MROH9: variants seen among roughly 807,000 people sequenced by gnomAD.
MROH9 encodes the protein maestro heat-like repeat-containing protein family member 9.
Under a neutral mutation model 98.2 loss-of-function variants are expected in MROH9, and 92 were observed. That is an observed-to-expected ratio of 0.94 (90% CI 0.79 to 1.11). The LOEUF (loss-of-function observed/expected upper bound fraction) is 1.11. Among genes scored for constraint, MROH9 ranks in the 50% most tolerant of loss-of-function variants. The pLI, the probability that MROH9 is intolerant of heterozygous loss-of-function variation, is 0.00. For missense variants in MROH9, 1,057 were observed against 1,014.8 expected, an observed-to-expected ratio of 1.04 and a Z score of -0.57; for synonymous variants, 397 against 368.9, an observed-to-expected ratio of 1.08 and a Z score of -0.87.
At chr1:170,945,967 C>A (rs1649316123) in intron 2 of MROH9, among the ~76,000 whole-genome samples, 1 of 151,804 alleles carries the variant, frequency 6.6e-6, no homozygotes, top group South Asian at 2.1e-4. Flanking sequence ...ATATCAAACC[C>A]TATAGTATAC....
intron 20 of MROH9, among the ~76,000 whole-genome samples, chr1:171,055,891 C>T (rs74123669): frequency 0.025 from 3,838 of 152,224 alleles, 159 homozygotes; most frequent in African/African-American, 0.086. Context: ...TGTGGTGGCC[C>T]ATCTGGGAGC....
intron 7 of MROH9, among the ~76,000 whole-genome samples, chr1:170,969,713 G>T (rs1650366901): frequency 6.6e-6 from 1 of 152,094 alleles, no homozygotes; most frequent in African/African-American, 2.4e-5. Context: ...ACAAAGAAAG[G>T]GCACAGTTAA....
chr1:171,005,827 C>T (rs971675452), intron 15 of MROH9, among the ~76,000 whole-genome samples: 1 of 152,168 alleles, frequency 6.6e-6, no homozygotes, highest in Admixed American at 6.5e-5. Flanking sequence ...CACTTTTTCT[C>T]CTTACCTGCT....
chr1:171,035,303 A>C (rs928463266), intron 20 of MROH9, among the ~76,000 whole-genome samples: 2 of 151,762 alleles, frequency 1.3e-5, no homozygotes, highest in African/African-American at 2.4e-5. Context: ...ATAAAGAGGA[A>C]GTTCAAAAAA....
chr1:170,993,658 G>C (rs1252106914), intron 12 of MROH9, among the ~76,000 whole-genome samples: 1 of 152,090 alleles, frequency 6.6e-6, no homozygotes, highest in Non-Finnish European at 1.5e-5. Context: ...TTCAAAAAGA[G>C]TAGCATCACA....
In MROH9 at chr1:170,987,439, G is replaced by A. The variant is rs1218769824; in HGVS notation, c.879+729G>A. On this transcript the variant is annotated intron_variant, in intron 10 of 21. Transcript: ENST00000367759. ...TCTGGGACTGCTTCCTTACAACATA[G>A]GAAATAATGTCATTAAATGTGTAAG... Among the ~76,000 whole-genome samples the A allele has an allele frequency of 2.0e-5, 3 of 152,134 alleles. No individual in the cohort carries two copies. The East Asian group carries it at 5.8e-4, about 29-fold the overall frequency.
At chr1:171,019,160 C>T (rs186751392) in intron 17 of MROH9, among the ~76,000 whole-genome samples, 109 of 152,324 alleles carry the variant, frequency 7.2e-4, no homozygotes, top group African/African-American at 2.5e-3. Context: ...GATTAAGAAA[C>T]TCACTCAAAA....
intron 20 of MROH9, among the ~76,000 whole-genome samples, chr1:171,044,861 C>T (rs966461754): frequency 1.3e-5 from 2 of 150,202 alleles, no homozygotes; most frequent in African/African-American, 2.5e-5. Flanking sequence ...TTTTCTTAGT[C>T]TGGCTAAAGG....
intron 20 of MROH9, among the ~76,000 whole-genome samples, chr1:171,049,649 T>C (rs139232450): frequency 1.3e-5 from 2 of 152,294 alleles, no homozygotes; most frequent in East Asian, 3.9e-4. Context: ...CATCTGTTCA[T>C]GTTCTTTACC....
At chr1:170,941,735 A>C (rs1649128246) in intron 1 of MROH9, among the ~76,000 whole-genome samples, 1 of 152,186 alleles carries the variant, frequency 6.6e-6, no homozygotes, top group Non-Finnish European at 1.5e-5. Flanking sequence ...GAAAAGAGCA[A>C]GCACAGAGCT....
In MROH9 at chr1:171,024,751, A is replaced by G. The variant is rs550263662; in HGVS notation, c.2164A>G (p.Ile722Val). 1 of 1,542,880 alleles carries G rather than the reference A, an allele frequency of 6.5e-7. No homozygotes were observed. Among genetic ancestry groups the G allele is most frequent in the African/African-American group, 1.4e-5 (1 of 72,926 alleles). Residue 722 changes from isoleucine (I) to valine (V), a missense_variant, in exon 19 of 22, where the codon ATC becomes GTC. Physicochemically the swap from Ile to Val is conservative, Grantham distance 29. Transcript: ENST00000367759. ...CAGTTTTGAGATGGTGGTGCTCAAT[A>G]TCTGTAACAATCTTGTAAGTGGCCC... is the stretch of plus-strand genomic sequence containing the variant. ...NYSFEMVVLN[I>V]CNNLIISHRN...
At chr1:171,036,947 A>G (rs1250508147) in intron 20 of MROH9, among the ~76,000 whole-genome samples, 1 of 151,798 alleles carries the variant, frequency 6.6e-6, no homozygotes, top group Non-Finnish European at 1.5e-5. Context: ...GGAAATGGTC[A>G]ACATAAAATT....
chr1:171,036,101 C>T (rs1003795498), intron 20 of MROH9, among the ~76,000 whole-genome samples: 1 of 152,030 alleles, frequency 6.6e-6, no homozygotes, highest in African/African-American at 2.4e-5. Flanking sequence ...AAGCTTACAA[C>T]GTTGAAATAA....
At chr1:171,037,967 A>C in intron 20 of MROH9, among the ~76,000 whole-genome samples, 1 of 151,978 alleles carries the variant, frequency 6.6e-6, no homozygotes, top group Admixed American at 6.6e-5. Flanking sequence ...TTAAAAAAGG[A>C]AACTATAATA....
At chr1:171,040,708 C>A (rs1021756459) in intron 20 of MROH9, among the ~76,000 whole-genome samples, 2 of 152,034 alleles carry the variant, frequency 1.3e-5, no homozygotes, top group African/African-American at 2.4e-5. Flanking sequence ...AATAGCTTCA[C>A]AAAATGGGTG....
At chr1:171,053,586 G>A (rs543215535) in intron 20 of MROH9, among the ~76,000 whole-genome samples, 40 of 152,290 alleles carry the variant, frequency 2.6e-4, no homozygotes, top group South Asian at 6.2e-4. Flanking sequence ...ACAACCAGAT[G>A]TATAGACTTT....
chr1:170,995,646 T>C, intron 13 of MROH9, 115 bp downstream of exon 13: 1 of 1,166,164 alleles, frequency 8.6e-7, no homozygotes, highest in South Asian at 1.6e-5. Context: ...GGTGTGTTCA[T>C]TTATTACAGT....
intron 20 of MROH9, among the ~76,000 whole-genome samples, chr1:171,036,230 G>C (rs1206901821): frequency 6.6e-6 from 1 of 152,092 alleles, no homozygotes; most frequent in Non-Finnish European, 1.5e-5. Flanking sequence ...AAATAAAAGG[G>C]AGCCTCGGAG....
intron 14 of MROH9, 88 bp from the exon 15 acceptor site, chr1:170,998,066 C>T (rs972949126): frequency 4.7e-5 from 47 of 993,512 alleles, no homozygotes; most frequent in Non-Finnish European, 6.9e-5. Flanking sequence ...CTGGGAGGTG[C>T]AAGATATTAG....
Sources: allele counts gnomAD v4.1 joint callset (sites outside exome capture counted in the v4.1 genomes callset), GRCh38; gene constraint gnomAD v4.1.1; transcripts MANE v1.5; gene names NCBI Gene and HGNC (gene_info 2026-07-23, HGNC 2026-07-21).